SIX1: variants seen among roughly 807,000 people sequenced by gnomAD.
SIX1 encodes the protein homeobox protein SIX1.
A neutral mutation model predicts 26.5 loss-of-function variants in SIX1; 11 were observed. The observed-to-expected ratio is 0.41, with a 90% CI of 0.26 to 0.69. The LOEUF is 0.69. SIX1 is among the 30% of genes least tolerant of loss of function. The pLI, the probability that SIX1 is intolerant of heterozygous loss-of-function variation, is 0.28. For synonymous variants in SIX1, 177 were observed against 166.2 expected (o/e 1.06, Z -0.50); for missense variants, 333 against 365.9 (o/e 0.91, Z 0.73).
chr14:60,648,571 G>A lies in SIX1; in HGVS notation c.560+59C>T, dbSNP rs1274922515. On this transcript the variant is annotated intron_variant, in intron 1 of 1. Transcript: ENST00000645694. This position sits in a 1 kb window ranked among gnomAD's most constrained non-coding sequence, Gnocchi z 7.9. ...CTGGTGCCTGCGGGGGCGGGAGGGG[G>A]CGGAGGAGAAAGGACGGCTTCCTAG... 4 of 1,511,572 alleles carry A rather than the reference G, an allele frequency of 2.6e-6. No homozygotes were observed. The highest frequency in any genetic ancestry group is 2.5e-5 in the East Asian group (1 of 40,806). 93.6% of individuals were successfully genotyped at this position (1,511,572 alleles called of 1,614,324 possible).
Position 60,646,169 on chromosome 14 carries a change from A to G in SIX1, c.*114T>C, listed in dbSNP as rs1056620896. 1 of 1,021,152 alleles carries G rather than the reference A, an allele frequency of 9.8e-7. No individual in the cohort carries two copies. Among genetic ancestry groups the G allele is most frequent in the African/African-American group, 1.6e-5 (1 of 62,164 alleles). The allele number at this position is 1,021,152 out of a possible 1,614,324, so 63.3% of individuals were successfully genotyped here. ...AAAGTCCACCATTCCTTTATGCGCA[A>G]ACAACTCCAGAAACAAGCTGCAAAA... is the stretch of plus-strand genomic sequence containing the variant. On this transcript the variant is annotated 3_prime_UTR_variant, in exon 2 of 2. Transcript: ENST00000645694.
rs779091171 is a variant in SIX1, at chr14:60,649,226, G to T, written c.-37C>A. 6 of 1,587,408 alleles carry T rather than the reference G, an allele frequency of 3.8e-6. No homozygotes were observed. In the South Asian group the frequency reaches 5.5e-5, roughly 15 times the overall value. The stretch of plus-strand genomic sequence containing the variant: ...GCCGGGGCGCACGGCCCAGGCGCAC[G>T]CGGCAGGGAGCAGAGCCGAGAGGCA... On this transcript the variant is annotated 5_prime_UTR_variant, in exon 1 of 2. Coordinates refer to ENST00000645694, the MANE Select transcript of SIX1 (RefSeq NM_005982.4). The surrounding 1 kb of genome is among the most constrained non-coding windows in gnomAD (Gnocchi z 5.1).
chr14:60,646,586 TAG>T lies in SIX1; in HGVS notation c.561-11_561-10del. Reference sequence around the variant, plus strand: ...TGTTTTCGGTGTTCTCCCTAAGAAATAGAGGACAACACCATATGGTTAAAAAA... The same window carrying T: ...TGTTTTCGGTGTTCTCCCTAAGAAATAGGACAACACCATATGGTTAAAAAA... On this transcript the variant is annotated splice_polypyrimidine_tract_variant and intron_variant, in intron 1 of 1. Transcript: ENST00000645694. 1 of 1,330,290 alleles carries T rather than the reference TAG, an allele frequency of 7.5e-7. No homozygotes were observed. Among genetic ancestry groups the T allele is most frequent in the Non-Finnish European group, 1.0e-6 (1 of 989,880 alleles). The allele number at this position is 1,330,290 out of a possible 1,614,324, so 82.4% of individuals were successfully genotyped here.
chr14:60,646,444 GGACC>G lies in SIX1; in HGVS notation c.690_693del (p.Val231PhefsTer20). On this transcript the variant is annotated frameshift_variant, in exon 2 of 2. Coordinates refer to ENST00000645694, the MANE Select transcript of SIX1 (RefSeq NM_005982.4). LOFTEE classifies it high-confidence loss of function. ...TGGCCCATATTGCCCTGCAGCAGAA[GGACC>G]GAGTTCTGGTCTGGACTTTGGGGAG... 1 of 1,614,056 alleles carries G rather than the reference GGACC, an allele frequency of 6.2e-7. No individual in the cohort carries two copies. Among genetic ancestry groups the G allele is most frequent in the Non-Finnish European group, 8.5e-7 (1 of 1,180,014 alleles).
At position 60,646,316 on chromosome 14, in the gene SIX1, G is replaced by A. The variant is rs368353344; in HGVS notation, c.822C>T (p.Pro274=). 10 of 1,613,360 alleles carry A rather than the reference G, an allele frequency of 6.2e-6. No individual in the cohort carries two copies. The East Asian group carries it at 8.9e-5, about 14-fold the overall frequency. ...CCAAGTCCACCAGACTGGAGGTGAG[G>A]GGGCCGAGCAGAGAGTCTTGGAGCT... ...QHQLQDSLLG[P]LTSSLVDLGS Residue 274 remains proline (P), a synonymous_variant, in exon 2 of 2, where the codon CCC becomes CCT. Transcript: ENST00000645694.
At chr14:60,646,798 G>A (rs1894951789) in intron 1 of SIX1, among the ~76,000 whole-genome samples, 1 of 152,026 alleles carries the variant, frequency 6.6e-6, no homozygotes, top group African/African-American at 2.4e-5. Flanking sequence ...GGAGAGCTAC[G>A]GACAGAGCCT....
At position 60,646,551 on chromosome 14, in the gene SIX1, G is replaced by A. The variant is rs749472807; in HGVS notation, c.587C>T (p.Ser196Phe). The change falls in exon 2 of 2, where the codon TCC becomes TTC. Residue 196 changes from serine to phenylalanine, a missense_variant. Ser to Phe is a radical substitution (Grantham distance 155). Transcript: ENST00000645694. ...ERENTENNNS[S>F]SNKQNQLSPL... ...AGAGAGTTGGTTCTGCTTGTTGGAG[G>A]AGGAGTTATTGTTTTCGGTGTTCTC... The A allele has an allele frequency of 6.2e-7, 1 of 1,610,858 alleles. No homozygotes were observed. Among genetic ancestry groups the A allele is most frequent in the Non-Finnish European group, 8.5e-7 (1 of 1,179,660 alleles).
rs1356894021 is a variant in SIX1 at position 60,644,227 on chromosome 14, T to G, written c.*2056A>C. On this transcript the variant is annotated 3_prime_UTR_variant, in exon 2 of 2. Coordinates refer to ENST00000645694, the MANE Select transcript of SIX1 (RefSeq NM_005982.4). The stretch of plus-strand genomic sequence containing the variant: ...GTGAAGAATGTGAGGAGATTCCCTG[T>G]GAGAGCCCCTCCTGCAGAGGGTGGC... The G allele has an allele frequency of 6.6e-6, 1 of 152,228 alleles. No homozygotes were observed. The highest frequency in any genetic ancestry group is 1.5e-5 in the Non-Finnish European group (1 of 68,060). The allele number at this position is 152,228 out of a possible 1,614,324, so 9.4% of individuals were successfully genotyped here.
rs779084301 is a variant in SIX1 at position 60,646,363 on chromosome 14, C to T, written c.775G>A (p.Gly259Ser). 5.6e-6 allele frequency: 9 copies of T among 1,613,920 alleles called. No individual in the cohort carries two copies. Among genetic ancestry groups the T allele is most frequent in the Non-Finnish European group, 6.8e-6 (8 of 1,180,000 alleles). ...PGLTASQPSHGLQTHQHQLQD... is the reference protein window; with the variant it reads ...PGLTASQPSHSLQTHQHQLQD... ...AGCTGATGCTGGTGGGTCTGCAGGC[C>T]GTGACTGGGCTGCGAGGCTGTTAAG... The change falls in exon 2 of 2, where the codon GGC becomes AGC. Residue 259 changes from glycine (G) to serine (S), a missense_variant. By Grantham distance (56) the Gly-to-Ser change is moderately conservative. Transcript: ENST00000645694.
Position 60,647,501 on chromosome 14 carries a change from G to T in SIX1, c.561-924C>A, listed in dbSNP as rs999803925. Among the ~76,000 whole-genome samples the T allele has an allele frequency of 3.3e-5, 5 of 152,148 alleles. No homozygotes were observed. The highest frequency in any genetic ancestry group is 7.4e-5 in the Non-Finnish European group (5 of 68,024). The stretch of plus-strand genomic sequence containing the variant: ...CGCCGCTTCCGCCTTCCGAGTGCTC[G>T]TCAGTCCTCCCGACTCCTAGCGCCT... On this transcript the variant is annotated intron_variant, in intron 1 of 1. Transcript: ENST00000645694. The surrounding 1 kb of genome is among the most constrained non-coding windows in gnomAD (Gnocchi z 5.1).
Position 60,646,266 on chromosome 14 carries a change from C to T in SIX1, c.*17G>A. The T allele has an allele frequency of 1.2e-6, 2 of 1,609,830 alleles. No homozygotes were observed. ...TGCTGCTCCAGGAATCCCTTCGAGG[C>T]CCCAGTCCCTCCCCACTTAGGACCC... is the stretch of plus-strand genomic sequence containing the variant. On this transcript the variant is annotated 3_prime_UTR_variant, in exon 2 of 2. Coordinates refer to ENST00000645694, the MANE Select transcript of SIX1 (RefSeq NM_005982.4).
In SIX1 at chr14:60,643,961, A is replaced by G. The variant is rs2140238049; in HGVS notation, c.*2322T>C. ...CTGCAGACATTTCCAAGATTCACCA[A>G]CTAAGGGAGCAGGAAGTGGGCCGGG... On this transcript the variant is annotated 3_prime_UTR_variant, in exon 2 of 2. Transcript: ENST00000645694. 6.6e-6 allele frequency: 1 copy of G among 152,274 alleles called. No homozygotes were observed. The highest frequency in any genetic ancestry group is 1.9e-4 in the East Asian group (1 of 5,188). 9.4% of individuals were successfully genotyped at this position (152,274 alleles called of 1,614,324 possible). A position where few individuals can be genotyped will look rare whatever the true frequency, so the allele number is the denominator to read the frequency against.
At position 60,645,054 on chromosome 14, in the gene SIX1, T is replaced by C. The variant is rs1345048636; in HGVS notation, c.*1229A>G. 3 of 152,180 alleles carry C rather than the reference T, an allele frequency of 2.0e-5. No individual in the cohort carries two copies. Among genetic ancestry groups the C allele is most frequent in the African/African-American group, 4.8e-5 (2 of 41,436 alleles). The allele number at this position is 152,180 out of a possible 1,614,324, so 9.4% of individuals were successfully genotyped here. Reference sequence around the variant, plus strand: ...AGATAGTGGTAAACAAAATTGCATATCTAAATAATAGAAGTTAATAAATAC... The same window carrying C: ...AGATAGTGGTAAACAAAATTGCATACCTAAATAATAGAAGTTAATAAATAC... On this transcript the variant is annotated 3_prime_UTR_variant, in exon 2 of 2. Coordinates refer to ENST00000645694, the MANE Select transcript of SIX1 (RefSeq NM_005982.4). This position sits in a 1 kb window ranked among gnomAD's most constrained non-coding sequence, Gnocchi z 4.6.
chr14:60,649,327 A>C lies in SIX1; in HGVS notation c.-138T>G, dbSNP rs530225389. 16 of 726,596 alleles carry C rather than the reference A, an allele frequency of 2.2e-5. No individual in the cohort carries two copies. The East Asian group carries it at 3.8e-4, about 17-fold the overall frequency. The allele number at this position is 726,596 out of a possible 1,614,324, so 45.0% of individuals were successfully genotyped here. ...TAGGCTTTGCAAAGGCGAAAACCGG[A>C]GTCGGAACTTGGCGGTGGGCGGCCA... is the stretch of plus-strand genomic sequence containing the variant. On this transcript the variant is annotated 5_prime_UTR_variant, in exon 1 of 2. Coordinates refer to ENST00000645694, the MANE Select transcript of SIX1 (RefSeq NM_005982.4). This position sits in a 1 kb window ranked among gnomAD's most constrained non-coding sequence, Gnocchi z 5.1.
Position 60,644,569 on chromosome 14 carries a change from A to C in SIX1, c.*1714T>G, listed in dbSNP as rs1019357898. ...ACCAGAACAGAAATAGGAAAGAGTA[A>C]GAAAGAAATAATATATTAATGGTGA... On this transcript the variant is annotated 3_prime_UTR_variant, in exon 2 of 2. Coordinates refer to ENST00000645694, the MANE Select transcript of SIX1 (RefSeq NM_005982.4). The C allele has an allele frequency of 1.3e-5, 2 of 152,372 alleles. No homozygotes were observed. The highest frequency in any genetic ancestry group is 6.5e-5 in the Admixed American group (1 of 15,306). The allele number at this position is 152,372 out of a possible 1,614,324, so 9.4% of individuals were successfully genotyped here.
chr14:60,643,746 C>A lies in SIX1; in HGVS notation c.*2537G>T, dbSNP rs900483432. The A allele has an allele frequency of 1.3e-5, 2 of 152,158 alleles. No homozygotes were observed. Among genetic ancestry groups the A allele is most frequent in the South Asian group, 2.1e-4 (1 of 4,830 alleles). The allele number at this position is 152,158 out of a possible 1,614,324, so 9.4% of individuals were successfully genotyped here. ...CTCGCCCCTTTTACCCAGACTGAGC[C>A]GAGGATGGCGGAAGGAGGCACATTG... is the stretch of plus-strand genomic sequence containing the variant. On this transcript the variant is annotated 3_prime_UTR_variant, in exon 2 of 2. Transcript: ENST00000645694.
chr14:60,648,665 C>G lies in SIX1; in HGVS notation c.525G>C (p.Arg175=). ...TTQVSNWFKN[R]RQRDRAAEAK... ...CCTCCGCGGCCCGGTCTCTTTGCCT[C>G]CGGTTCTTAAACCAGTTGCTGACCT... The change falls in exon 1 of 2, where the codon CGG becomes CGC. Residue 175 remains arginine (R), a synonymous_variant. Coordinates refer to ENST00000645694, the MANE Select transcript of SIX1 (RefSeq NM_005982.4). This position sits in a 1 kb window ranked among gnomAD's most constrained non-coding sequence, Gnocchi z 7.9. 1 of 1,614,114 alleles carries G rather than the reference C, an allele frequency of 6.2e-7. No individual in the cohort carries two copies.
At position 60,648,324 on chromosome 14, in the gene SIX1, C is replaced by T. The variant is rs1451798119; in HGVS notation, c.560+306G>A. On this transcript the variant is annotated intron_variant, in intron 1 of 1. Coordinates refer to ENST00000645694, the MANE Select transcript of SIX1 (RefSeq NM_005982.4). This position sits in a 1 kb window ranked among gnomAD's most constrained non-coding sequence, Gnocchi z 7.9. ...GATTTAGAAACTCACTCTCCACCCA[C>T]CACTCATAGCCGCGGCCAGCCAGGG... Among the ~76,000 whole-genome samples, 1 of 152,198 alleles carries T rather than the reference C, an allele frequency of 6.6e-6. No individual in the cohort carries two copies. The highest frequency in any genetic ancestry group is 1.5e-5 in the Non-Finnish European group (1 of 68,040).
In SIX1 at chr14:60,649,299, C is replaced by T. The variant is rs904243084; in HGVS notation, c.-110G>A. Reference sequence around the variant, plus strand: ...GGGGCGCGGCTGTTCCTAACCTCCTCCTTAGGCTTTGCAAAGGCGAAAACC... The same window carrying T: ...GGGGCGCGGCTGTTCCTAACCTCCTTCTTAGGCTTTGCAAAGGCGAAAACC... On this transcript the variant is annotated 5_prime_UTR_variant, in exon 1 of 2. Coordinates refer to ENST00000645694, the MANE Select transcript of SIX1 (RefSeq NM_005982.4). The surrounding 1 kb of genome is among the most constrained non-coding windows in gnomAD (Gnocchi z 5.1). 8.3e-6 allele frequency: 8 copies of T among 964,996 alleles called. No individual in the cohort carries two copies. The highest frequency in any genetic ancestry group is 3.1e-4 in the Middle Eastern group (1 of 3,226). 59.8% of individuals were successfully genotyped at this position (964,996 alleles called of 1,614,324 possible).
Sources: allele counts gnomAD v4.1 joint callset (sites outside exome capture counted in the v4.1 genomes callset), GRCh38; gene constraint gnomAD v4.1.1; non-coding constraint Gnocchi (gnomAD v3.1); transcripts MANE v1.5; gene names NCBI Gene and HGNC (gene_info 2026-07-23, HGNC 2026-07-21).